ZNF333: variants seen among roughly 807,000 people sequenced by gnomAD.
The protein encoded by ZNF333 is zinc finger protein 333.
ZNF333 carries 61 observed loss-of-function variants against 76.1 expected under a neutral mutation model. The observed-to-expected ratio is 0.80, with a 90% confidence interval of 0.65 to 0.99. The LOEUF (loss-of-function observed/expected upper bound fraction) is 0.99, where lower values mean the gene tolerates loss of function less well. ZNF333 is among the 50% of genes least tolerant of loss of function. The probability of loss-of-function intolerance (pLI) is 0.00; values close to 1 mark genes in which losing one functional copy is unlikely to be tolerated. For missense variants in ZNF333, 717 were observed against 822.4 expected (o/e 0.87, Z 1.57); for synonymous variants, 284 against 305.0 (o/e 0.93, Z 0.72).
At position 14,695,022 on chromosome 19, in the gene ZNF333, T is replaced by C. The variant is rs367681293; in HGVS notation, c.16T>C (p.Phe6Leu). 3 of 1,614,032 alleles carry C rather than the reference T, an allele frequency of 1.9e-6. No individual in the cohort carries two copies. The highest frequency in any genetic ancestry group is 2.7e-5 in the African/African-American group (2 of 74,904). The stretch of plus-strand genomic sequence containing the variant: ...TGTGCTGTTTTAGGAATCCGTCACC[T>C]TTGAGGATGTGGCCGTGGAGTTCAT... MESVT[F>L]EDVAVEFIQE... Residue 6 changes from phenylalanine to leucine, a missense_variant, in exon 3 of 12, where the codon TTT (phenylalanine) becomes CTT (leucine). Phe to Leu is a conservative substitution (Grantham distance 22). Transcript: ENST00000292530.
intron 5 of ZNF333, 137 bp downstream of exon 5, chr19:14,699,418 G>A (rs1973522575): frequency 1.4e-6 from 1 of 737,280 alleles, no homozygotes; most frequent in Non-Finnish European, 2.3e-6. Flanking sequence ...TCTGAGGGGA[G>A]TGCCTGTGAC....
In ZNF333 at chr19:14,715,388, C is replaced by T. The variant is rs756818943; in HGVS notation, c.518C>T (p.Pro173Leu). The change falls in exon 8 of 12, where the codon CCT becomes CTT. Residue 173 changes from proline (P) to leucine (L), a missense_variant. By Grantham distance (98) the Pro-to-Leu change is moderately conservative (BLOSUM62 -3). Coordinates refer to ENST00000292530, the MANE Select transcript of ZNF333 (RefSeq NM_032433.4). ...CTCTTCCCTTCTCCCCTAGCTGTGCCTGCACGTGACCCTGCCTGGCTTCAG... is the reference window on the plus strand; with the variant it reads ...CTCTTCCCTTCTCCCCTAGCTGTGCTTGCACGTGACCCTGCCTGGCTTCAG... ...NPWVARDSAV[P>L]ARDPAWLQED... The T allele has an allele frequency of 1.2e-6, 2 of 1,613,894 alleles. No homozygotes were observed. Among genetic ancestry groups the T allele is most frequent in the Non-Finnish European group, 1.7e-6 (2 of 1,179,892 alleles).
chr19:14,731,268 C>T (rs1238031096), exon 12 of ZNF333: 8 of 1,375,212 alleles, frequency 5.8e-6, no homozygotes, highest in Non-Finnish European at 8.0e-6. Context: ...AGGATCACTA[C>T]TGGGGCTTGA....
At chr19:14,690,509 C>A (rs564009674) in intron 1 of ZNF333, among the ~76,000 whole-genome samples, 1 of 152,190 alleles carries the variant, frequency 6.6e-6, no homozygotes, top group Non-Finnish European at 1.5e-5. Context: ...CTACAGTATG[C>A]AAGATAACTG....
At chr19:14,729,793 A>G (rs1175146274) in intron 11 of ZNF333, among the ~76,000 whole-genome samples, 1 of 152,220 alleles carries the variant, frequency 6.6e-6, no homozygotes, top group African/African-American at 2.4e-5. Context: ...AATAATAACT[A>G]TATGAGACGA....
At chr19:14,716,343 C>CAAA in intron 9 of ZNF333, 105 bp downstream of exon 9, 1 of 1,348,984 alleles carries the variant, frequency 7.4e-7, no homozygotes, top group Non-Finnish European at 1.0e-6. Flanking sequence ...ACTGCAACCT[C>CAAA]CGCTTCCTGG....
chr19:14,730,089 G>T (rs1005700644), intron 11 of ZNF333, among the ~76,000 whole-genome samples: 3 of 152,164 alleles, frequency 2.0e-5, no homozygotes, highest in African/African-American at 7.2e-5. Flanking sequence ...GTCTCGCTCT[G>T]TCACCCAGGC....
At chr19:14,705,542 GAA>G (rs2042084422) in intron 6 of ZNF333, among the ~76,000 whole-genome samples, 1 of 152,230 alleles carries the variant, frequency 6.6e-6, no homozygotes, top group East Asian at 1.9e-4. Flanking sequence ...CAGGCTCAGG[GAA>G]GTGAGGACCT....
chr19:14,716,200 A>G lies in ZNF333; in HGVS notation c.689A>G (p.Asp230Gly). The G allele has an allele frequency of 1.2e-6, 2 of 1,613,626 alleles. No individual in the cohort carries two copies. Among genetic ancestry groups the G allele is most frequent in the Non-Finnish European group, 1.7e-6 (2 of 1,179,978 alleles). The change falls in exon 9 of 12, where the codon GAT (aspartate) becomes GGT (glycine). Residue 230 changes from aspartate to glycine, a missense_variant. Coordinates refer to ENST00000292530, the MANE Select transcript of ZNF333 (RefSeq NM_032433.4). ...LDSTQRSLYR[D>G]VMLENYRNLA... is the part of the protein sequence containing the mutation. ...TCTACTCAGAGGAGCCTGTATAGAG[A>G]TGTGATGCTGGAGAACTACAGGAAC...
At chr19:14,707,903 TTTC>T (rs2146987246) in intron 7 of ZNF333, 1 of 400,442 alleles carries the variant, frequency 2.5e-6, no homozygotes, top group African/African-American at 2.0e-5. Flanking sequence ...GAATCTCTGT[TTTC>T]TTCTTGACAG....
chr19:14,715,382 C>T lies in ZNF333; in HGVS notation c.512C>T (p.Ala171Val), dbSNP rs201571976. 1.9e-5 allele frequency: 31 copies of T among 1,613,698 alleles called. No homozygotes were observed. Among genetic ancestry groups the T allele is most frequent in the Non-Finnish European group, 2.5e-5 (30 of 1,179,888 alleles). ...TCATGCCTCTTCCCTTCTCCCCTAG[C>T]TGTGCCTGCACGTGACCCTGCCTGG... ...HRNPWVARDS[A>V]VPARDPAWLQ... Residue 171 changes from alanine (A) to valine (V), a missense_variant and splice_region_variant, in exon 8 of 12, where the codon GCT becomes GTT. Physicochemically the swap from Ala to Val is moderately conservative, Grantham distance 64. Transcript: ENST00000292530.
rs145623036 is a variant in ZNF333, at chr19:14,731,585, C to CT, written c.*400dup. The CT allele has an allele frequency of 2.5e-3, 446 of 176,894 alleles. 1 individual carries two copies. The highest frequency in any genetic ancestry group is 6.7e-3 in the South Asian group (37 of 5,532). The allele number at this position is 176,894 out of a possible 1,614,324, so 11.0% of individuals were successfully genotyped here. A position where few individuals can be genotyped will look rare whatever the true frequency, so the allele number is the denominator to read the frequency against. On this transcript the variant is annotated 3_prime_UTR_variant, in exon 12 of 12. Transcript: ENST00000540689. ...CAAACGTGTACCCTAGCTCCTTTGT[C>CT]TGCTGTCTTTGGTGGGCGTGGTCTT...
intron 7 of ZNF333, 158 bp downstream of exon 7, chr19:14,706,931 G>GTT (rs1372013514): frequency 1.7e-6 from 1 of 578,482 alleles, no homozygotes; most frequent in Non-Finnish European, 2.9e-6. Context: ...TTATTTGTGT[G>GTT]TTTAAGTGGG....
chr19:14,722,862 C>T (rs375243702), downstream of ZNF333, among the ~76,000 whole-genome samples: 6 of 152,062 alleles, frequency 3.9e-5, no homozygotes, highest in South Asian at 2.1e-4. Context: ...CTTGGCTTAC[C>T]GCAACCTCCG....
chr19:14,691,351 T>C (rs1972761835), intron 1 of ZNF333, among the ~76,000 whole-genome samples: 1 of 152,150 alleles, frequency 6.6e-6, no homozygotes, highest in African/African-American at 2.4e-5. Context: ...TAATGGAACT[T>C]CAGGGAAAAG....
rs1477081612 is a variant in ZNF333, at chr19:14,718,845, T to C, written c.1518T>C (p.Tyr506=). The change falls in exon 12 of 12, where the codon TAT becomes TAC. Residue 506 remains tyrosine, a synonymous_variant. Coordinates refer to ENST00000292530, the MANE Select transcript of ZNF333 (RefSeq NM_032433.4). ...GAACCCATACCAGAGAGAAACCATA[T>C]GAATGCAACCAGTGTGGCAAGCCCT... ...HLRTHTREKP[Y]ECNQCGKPFR... The C allele has an allele frequency of 6.2e-7, 1 of 1,614,064 alleles. No homozygotes were observed. Among genetic ancestry groups the C allele is most frequent in the Non-Finnish European group, 8.5e-7 (1 of 1,180,020 alleles).
In ZNF333 at chr19:14,718,684, A is replaced by G. The variant is rs1419166833; in HGVS notation, c.1357A>G (p.Lys453Glu). The G allele has an allele frequency of 2.5e-6, 4 of 1,614,044 alleles. No homozygotes were observed. The highest frequency in any genetic ancestry group is 1.7e-5 in the Admixed American group (1 of 60,010). Residue 453 changes from lysine (K) to glutamate (E), a missense_variant, in exon 12 of 12, where the codon AAA becomes GAA. Lys to Glu is a moderately conservative substitution (Grantham distance 56). Transcript: ENST00000292530. ...CACAGGAGAGAAGCCCTACGAGTGT[A>G]AAGATTGTGGGAAAGCCTTCAATCA... The part of the protein sequence containing the change: ...NHTGEKPYEC[K>E]DCGKAFNQPS...
chr19:14,712,588 G>A (rs1323550598), intron 7 of ZNF333, among the ~76,000 whole-genome samples: 3 of 152,112 alleles, frequency 2.0e-5, no homozygotes, highest in East Asian at 3.9e-4. Context: ...TTAAGGTGTC[G>A]ACAGGGCCGT....
chr19:14,709,946 A>G (rs527632450), intron 7 of ZNF333, among the ~76,000 whole-genome samples: 2 of 152,370 alleles, frequency 1.3e-5, no homozygotes, highest in South Asian at 4.1e-4. Flanking sequence ...AAATACTATA[A>G]CATTTAGCTT....
Sources: allele counts gnomAD v4.1 joint callset (sites outside exome capture counted in the v4.1 genomes callset), GRCh38; gene constraint gnomAD v4.1.1; transcripts MANE v1.5; gene names NCBI Gene and HGNC (gene_info 2026-07-23, HGNC 2026-07-21).